SNTG2: variants seen among roughly 807,000 people sequenced by gnomAD.
SNTG2 encodes the protein syntrophin gamma 2, also known as gamma-2-syntrophin.
Under a neutral mutation model 70.9 loss-of-function variants are expected in SNTG2, and 74 were observed. That is an observed-to-expected ratio of 1.04 (90% CI 0.86 to 1.27). The LOEUF (loss-of-function observed/expected upper bound fraction) is 1.27. Ranked by LOEUF, SNTG2 falls within the 50% of genes most tolerant of loss-of-function variation. The probability of loss-of-function intolerance (pLI) is 0.00; values close to 1 mark genes in which losing one functional copy is unlikely to be tolerated. For synonymous variants in SNTG2, 278 were observed against 273.8 expected (o/e 1.02, Z -0.15); for missense variants, 717 against 690.7 (o/e 1.04, Z -0.43).
intron 8 of SNTG2, among the ~76,000 whole-genome samples, chr2:1,187,379 A>T (rs1181999980): frequency 2.6e-5 from 4 of 152,186 alleles, no homozygotes; most frequent in Non-Finnish European, 2.9e-5. Flanking sequence ...TCGTCCAATC[A>T]GTTGAAGGCC....
At chr2:1,204,524 T>C (rs1673502654) in intron 8 of SNTG2, among the ~76,000 whole-genome samples, 1 of 152,194 alleles carries the variant, frequency 6.6e-6, no homozygotes, top group African/African-American at 2.4e-5. Flanking sequence ...CATGGAAAAT[T>C]CCAGAAATAA....
intron 4 of SNTG2, among the ~76,000 whole-genome samples, chr2:1,116,404 G>T (rs1229487728): frequency 1.3e-5 from 2 of 152,202 alleles, no homozygotes; most frequent in Non-Finnish European, 2.9e-5. Flanking sequence ...CCTGGCTCAC[G>T]CAAAACTCTC....
intron 14 of SNTG2, among the ~76,000 whole-genome samples, chr2:1,284,162 G>T (rs377259650): frequency 9.9e-5 from 15 of 152,140 alleles, no homozygotes; most frequent in African/African-American, 3.6e-4. Flanking sequence ...AATTTAATTC[G>T]ATTGGAACTA....
At chr2:1,266,135 GAA>G (rs1678717623) in intron 13 of SNTG2, among the ~76,000 whole-genome samples, 2 of 152,028 alleles carry the variant, frequency 1.3e-5, no homozygotes, top group Admixed American at 1.3e-4. Flanking sequence ...TGGAGAGAGA[GAA>G]AGAGACACAA....
rs567391313 is a variant in SNTG2, at chr2:1,307,454, T to C, written c.1285-1040T>C. 2.4e-3 allele frequency among the ~76,000 whole-genome samples: 370 copies of C among 151,494 alleles called. 1 individual carries two copies. The highest frequency in any genetic ancestry group is 8.3e-3 in the African/African-American group (341 of 41,188). On this transcript the variant is annotated intron_variant, in intron 14 of 16. Coordinates refer to ENST00000308624, the MANE Select transcript of SNTG2 (RefSeq NM_018968.4). ...CGTGTACTGTGTGTGTGTGTGTGTG[T>C]GTGTATGCGAGAGAGAGAAGAGAGA... is the stretch of plus-strand genomic sequence containing the variant.
intron 4 of SNTG2, among the ~76,000 whole-genome samples, chr2:1,117,339 C>T (rs1667081156): frequency 6.6e-6 from 1 of 152,094 alleles, no homozygotes; most frequent in Non-Finnish European, 1.5e-5. Flanking sequence ...TAATTTTAAA[C>T]AAGTTCCTAA....
rs1422409319 is a variant in SNTG2, at chr2:1,353,385, T to G, written c.1489-13958T>G. On this transcript the variant is annotated intron_variant, in intron 16 of 16. Coordinates refer to ENST00000308624, the MANE Select transcript of SNTG2 (RefSeq NM_018968.4). This position sits in a 1 kb window ranked among gnomAD's most constrained non-coding sequence, Gnocchi z 4.2. ...CAGCACCGCAAGTGTGGAATTGAGT[T>G]CCGGGGTGTGGCTGTTCCTCGTGAT... 6.6e-6 allele frequency among the ~76,000 whole-genome samples: 1 copy of G among 152,178 alleles called. No individual in the cohort carries two copies. Among genetic ancestry groups the G allele is most frequent in the East Asian group, 1.9e-4 (1 of 5,176 alleles).
intron 1 of SNTG2, among the ~76,000 whole-genome samples, chr2:1,061,463 G>A (rs1370521426): frequency 6.6e-6 from 1 of 152,186 alleles, no homozygotes; most frequent in Non-Finnish European, 1.5e-5. Flanking sequence ...CCGAGGTTGA[G>A]GAAGTGTTTT....
intron 16 of SNTG2, among the ~76,000 whole-genome samples, chr2:1,361,920 C>G (rs1353218126): frequency 1.0e-5 from 1 of 96,110 alleles, no homozygotes; most frequent in Non-Finnish European, 2.3e-5. Context: ...GTCACCAACG[C>G]TGAGCATTTC....
intron 1 of SNTG2, among the ~76,000 whole-genome samples, chr2:1,063,151 T>C (rs944604743): frequency 6.6e-6 from 1 of 152,230 alleles, no homozygotes; most frequent in Non-Finnish European, 1.5e-5. Context: ...TTAAAATCTA[T>C]GCAAGAGCTT....
intron 2 of SNTG2, among the ~76,000 whole-genome samples, chr2:1,096,994 C>T (rs1017510578): frequency 2.1e-4 from 32 of 152,100 alleles, no homozygotes; most frequent in African/African-American, 6.3e-4. Context: ...CCCCGAAATA[C>T]GGCTCTTTTT....
chr2:975,819 A>G (rs572977965), intron 1 of SNTG2, among the ~76,000 whole-genome samples: 2 of 152,354 alleles, frequency 1.3e-5, no homozygotes, highest in South Asian at 4.1e-4. Context: ...AGCTATTATT[A>G]CTGTGTTTAT....
intron 16 of SNTG2, among the ~76,000 whole-genome samples, chr2:1,333,718 G>A (rs1477732852): frequency 1.3e-5 from 2 of 152,164 alleles, no homozygotes; most frequent in Non-Finnish European, 2.9e-5. Flanking sequence ...ATGGGTCTGG[G>A]ATAATTGGCA....
chr2:1,200,631 A>G (rs1403576881), intron 8 of SNTG2, among the ~76,000 whole-genome samples: 1 of 152,006 alleles, frequency 6.6e-6, no homozygotes, highest in Non-Finnish European at 1.5e-5. Context: ...ATTCGACAAG[A>G]GACTAATATC....
At chr2:958,886 G>A (rs545934622) in intron 1 of SNTG2, among the ~76,000 whole-genome samples, 3 of 152,214 alleles carry the variant, frequency 2.0e-5, no homozygotes, top group African/African-American at 7.2e-5. Context: ...GGGATAGTAC[G>A]ATATCTAAAA....
chr2:1,117,988 C>A (rs937414917), intron 4 of SNTG2, among the ~76,000 whole-genome samples: 1 of 152,114 alleles, frequency 6.6e-6, no homozygotes, highest in Non-Finnish European at 1.5e-5. Flanking sequence ...AGGGCCATGA[C>A]AGTGCTATGT....
intron 8 of SNTG2, among the ~76,000 whole-genome samples, chr2:1,203,203 A>G (rs372933066): frequency 2.0e-5 from 3 of 152,184 alleles, no homozygotes; most frequent in African/African-American, 7.2e-5. Context: ...GATTTATACA[A>G]AACTCAAGTA....
At chr2:1,082,457 C>T (rs1191560301) in intron 1 of SNTG2, among the ~76,000 whole-genome samples, 6 of 152,166 alleles carry the variant, frequency 3.9e-5, no homozygotes, top group Non-Finnish European at 7.3e-5. Flanking sequence ...ATCCTTCACA[C>T]GTGGGGACCT....
At chr2:959,577 C>T (rs1023389493) in intron 1 of SNTG2, among the ~76,000 whole-genome samples, 4 of 151,790 alleles carry the variant, frequency 2.6e-5, no homozygotes, top group African/African-American at 9.7e-5. Flanking sequence ...GTGTGGTGTT[C>T]CCGCAGTGGG....
Sources: gnomAD v4.1 joint callset for allele counts (sites outside exome capture counted in the v4.1 genomes callset) on GRCh38, gnomAD v4.1.1 for gene constraint, Gnocchi (gnomAD v3.1) non-coding constraint, MANE v1.5 for transcripts, NCBI Gene and HGNC (gene_info 2026-07-23, HGNC 2026-07-21) for gene names.